The following CLEC4D variants were observed in gnomAD, a reference collection of about 807,000 sequenced individuals.
The protein encoded by CLEC4D is C-type (calcium dependent, carbohydrate-recognition domain) lectin, superfamily member 8.
CLEC4D carries 21 observed loss-of-function variants against 21.1 expected under a neutral mutation model. The ratio of observed to expected loss-of-function variants is 1.00; its 90% CI spans 0.71 to 1.43. The LOEUF (loss-of-function observed/expected upper bound fraction) is 1.43, where lower values mean the gene tolerates loss of function less well. CLEC4D is among the 40% of genes most tolerant of loss of function. The probability of loss-of-function intolerance (pLI) is 0.00; values close to 1 mark genes in which losing one functional copy is unlikely to be tolerated. For synonymous variants in CLEC4D, 85 were observed against 83.1 expected, an observed-to-expected ratio of 1.02 and a Z score of -0.12; for missense variants, 289 against 260.7, an observed-to-expected ratio of 1.11 and a Z score of -0.75.
chr12:8,518,376 C>G (rs900642771), intron 3 of CLEC4D, 102 bp downstream of exon 3: 4 of 627,886 alleles, frequency 6.4e-6, no homozygotes, highest in African/African-American at 1.8e-5. Flanking sequence ...ATTAAAATAG[C>G]ATAAGATGAG....
chr12:8,530,459 CAAA>C, the CLEC4D span, among the ~76,000 whole-genome samples: 5 of 87,338 alleles, frequency 5.7e-5, no homozygotes, highest in Admixed American at 1.3e-4. Context: ...ATCAAGAAAG[CAAA>C]AAAAAAAAAA....
At chr12:8,520,815 T>G (rs1940448681) in intron 5 of CLEC4D, among the ~76,000 whole-genome samples, 1 of 152,140 alleles carries the variant, frequency 6.6e-6, no homozygotes, top group South Asian at 2.1e-4. Flanking sequence ...ACCCAATATA[T>G]CCAAATCTTA....
chr12:8,531,172 G>A, the CLEC4D span, among the ~76,000 whole-genome samples: 1 of 152,214 alleles, frequency 6.6e-6, no homozygotes. Context: ...CTGGCGTTCT[G>A]ACATCCTTAC....
At chr12:8,528,859 T>A in the CLEC4D span, among the ~76,000 whole-genome samples, 2 of 151,554 alleles carry the variant, frequency 1.3e-5, no homozygotes, top group East Asian at 3.9e-4. Flanking sequence ...TAAGAATATA[T>A]ACTATATATA....
chr12:8,516,521 C>G (rs1405566954), intron 2 of CLEC4D, among the ~76,000 whole-genome samples: 1 of 152,144 alleles, frequency 6.6e-6, no homozygotes, highest in Non-Finnish European at 1.5e-5. Context: ...AATTAATTAT[C>G]AGGGAAATGC....
Position 8,513,533 on chromosome 12 carries a change from C to A in CLEC4D, c.-200C>A. Reference sequence around the variant, plus strand: ...ATCTCCCGGAATGTATCAAAGGAAACCCCTGTCTTTGAAAAAGACTTCTTT... The same window carrying A: ...ATCTCCCGGAATGTATCAAAGGAAAACCCTGTCTTTGAAAAAGACTTCTTT... On this transcript the variant is annotated 5_prime_UTR_variant, in exon 1 of 6. Coordinates refer to ENST00000299665, the MANE Select transcript of CLEC4D (RefSeq NM_080387.5). The A allele has an allele frequency of 5.7e-6, 2 of 352,176 alleles. No homozygotes were observed. 21.8% of individuals were successfully genotyped at this position (352,176 alleles called of 1,614,324 possible).
chr12:8,515,217 A>T lies in CLEC4D; in HGVS notation c.29-19A>T, dbSNP rs747416184. On this transcript the variant is annotated intron_variant, in intron 1 of 5. Transcript: ENST00000299665. ...TGTAGCTGAGAGGAGGTTAATCTCT[A>T]TTTTTCTTTTGGTCCTAGTGGAAGG... 8.8e-7 allele frequency: 1 copy of T among 1,139,188 alleles called. No homozygotes were observed. Among genetic ancestry groups the T allele is most frequent in the East Asian group, 2.3e-5 (1 of 42,748 alleles). 70.6% of individuals were successfully genotyped at this position (1,139,188 alleles called of 1,614,324 possible). A position where few individuals can be genotyped will look rare whatever the true frequency, so the allele number is the denominator to read the frequency against.
At chr12:8,530,908 C>A in the CLEC4D span, among the ~76,000 whole-genome samples, 1 of 152,162 alleles carries the variant, frequency 6.6e-6, no homozygotes, top group Non-Finnish European at 1.5e-5. Context: ...GTAAACCGTG[C>A]GAAATTTTAA....
chr12:8,520,023 G>T (rs943808070), intron 4 of CLEC4D, among the ~76,000 whole-genome samples: 1 of 152,208 alleles, frequency 6.6e-6, no homozygotes, highest in Admixed American at 6.5e-5. Flanking sequence ...TAGTGGAGTT[G>T]TCCCTTTTGA....
chr12:8,525,334 A>G (rs148707837), downstream of CLEC4D, among the ~76,000 whole-genome samples: 1,198 of 152,268 alleles, frequency 7.9e-3, 18 homozygotes, highest in African/African-American at 0.027. Context: ...GTGGGAGTCT[A>G]AGTCTCTTTG....
At chr12:8,518,982 C>T (rs775220543) in intron 3 of CLEC4D, 27 bp from the exon 4 acceptor site, 3 of 1,607,052 alleles carry the variant, frequency 1.9e-6, no homozygotes, top group East Asian at 2.2e-5. Context: ...CTTTTGTTAC[C>T]AATTTCCGTT....
chr12:8,524,939 C>T (rs1940495589), downstream of CLEC4D, among the ~76,000 whole-genome samples: 1 of 152,106 alleles, frequency 6.6e-6, no homozygotes, highest in Admixed American at 6.6e-5. Flanking sequence ...TTGATTTCTG[C>T]CTTAATTTCG....
the CLEC4D span, among the ~76,000 whole-genome samples, chr12:8,530,794 C>T: frequency 6.6e-6 from 1 of 152,116 alleles, no homozygotes. Flanking sequence ...AACAGTGTTT[C>T]TGGATAAATT....
intron 2 of CLEC4D, among the ~76,000 whole-genome samples, chr12:8,517,818 C>T (rs910225778): frequency 1.8e-4 from 27 of 151,850 alleles, no homozygotes; most frequent in Admixed American, 6.6e-5. Flanking sequence ...TGGTGGCGGG[C>T]GCCTGTAGTC....
chr12:8,515,930 G>C (rs2136384538), intron 2 of CLEC4D, among the ~76,000 whole-genome samples: 3 of 152,108 alleles, frequency 2.0e-5, no homozygotes. Flanking sequence ...AAATAGACTA[G>C]AGGAAAATAA....
rs369574542 is a variant in CLEC4D, at chr12:8,513,779, T to C, written c.28+19T>C. ...AGTAAACGTGAGTACTTTCTCTCCT[T>C]TCCATTTCAAAGAAGCAGATGGAAT... On this transcript the variant is annotated intron_variant, in intron 1 of 5. Coordinates refer to ENST00000299665, the MANE Select transcript of CLEC4D (RefSeq NM_080387.5). The C allele has an allele frequency of 1.3e-5, 13 of 1,005,060 alleles. No individual in the cohort carries two copies. In the African/African-American group the frequency reaches 2.1e-4, roughly 16 times the overall value. The allele number at this position is 1,005,060 out of a possible 1,614,324, so 62.3% of individuals were successfully genotyped here.
rs370575737 is a variant in CLEC4D, at chr12:8,520,327, T to C, written c.486T>C (p.Phe162=). The part of the protein sequence containing the change: ...GQWRWVDQTP[F]NPRRVFWHKN... ...GGCGTTGGGTGGACCAGACGCCATT[T>C]AACCCACGCAGAGTGTAAGTATATT... The change falls in exon 5 of 6, where the codon TTT becomes TTC. Residue 162 remains phenylalanine (F), a synonymous_variant. Coordinates refer to ENST00000299665, the MANE Select transcript of CLEC4D (RefSeq NM_080387.5). 1.1e-4 allele frequency: 171 copies of C among 1,613,818 alleles called. No homozygotes were observed. The highest frequency in any genetic ancestry group is 1.4e-4 in the Non-Finnish European group (164 of 1,179,840).
chr12:8,526,036 C>G (rs11502428), downstream of CLEC4D, among the ~76,000 whole-genome samples: 10,012 of 152,186 alleles, frequency 0.066, 698 homozygotes, highest in African/African-American at 0.18. Context: ...CTGGCTGGTA[C>G]AGTTTCTGCT....
the CLEC4D span, among the ~76,000 whole-genome samples, chr12:8,527,715 T>C: frequency 1.3e-5 from 2 of 152,150 alleles, no homozygotes; most frequent in Non-Finnish European, 2.9e-5. Context: ...CTGGTCGCCC[T>C]CCGCCCGCGC....
Sources: allele counts gnomAD v4.1 joint callset (sites outside exome capture counted in the v4.1 genomes callset), GRCh38; gene constraint gnomAD v4.1.1; transcripts MANE v1.5; gene names NCBI Gene and HGNC (gene_info 2026-07-23, HGNC 2026-07-21).